Variants in ESRRB observed in about 807,000 individuals in gnomAD.
The protein encoded by ESRRB is estrogen related receptor beta.
Under a neutral mutation model 46.0 loss-of-function variants are expected in ESRRB, and 16 were observed. The ratio of observed to expected loss-of-function variants is 0.35; its 90% CI spans 0.24 to 0.53. The LOEUF (loss-of-function observed/expected upper bound fraction) is 0.53. ESRRB is among the 20% of genes least tolerant of loss of function. ESRRB has a pLI of 0.93. For missense variants in ESRRB, 488 were observed against 607.4 expected, an observed-to-expected ratio of 0.80 and a Z score of 2.07; for synonymous variants, 246 against 259.6, an observed-to-expected ratio of 0.95 and a Z score of 0.50.
chr14:76,337,714 C>G (rs1183688790), intron 1 of ESRRB, among the ~76,000 whole-genome samples: 1 of 152,208 alleles, frequency 6.6e-6, no homozygotes, highest in Non-Finnish European at 1.5e-5. Context: ...TGGTCGATTA[C>G]CAACTTTTCT....
chr14:76,325,607 G>A (rs1336236838), intron 1 of ESRRB, among the ~76,000 whole-genome samples: 1 of 152,144 alleles, frequency 6.6e-6, no homozygotes, highest in Non-Finnish European at 1.5e-5. Context: ...GGGAACAGAG[G>A]TACAAACAGG....
intron 3 of ESRRB, among the ~76,000 whole-genome samples, chr14:76,468,055 G>T (rs1295189370): frequency 6.6e-6 from 1 of 152,152 alleles, no homozygotes; most frequent in African/African-American, 2.4e-5. Context: ...GCTCCTCCGG[G>T]GATTCTGGGT....
chr14:76,382,241 C>T (rs1174472855), intron 1 of ESRRB, among the ~76,000 whole-genome samples: 1 of 152,182 alleles, frequency 6.6e-6, no homozygotes, highest in Admixed American at 6.5e-5. Flanking sequence ...TAAACATGTT[C>T]CTGCTGACTG....
At position 76,499,909 on chromosome 14, in the gene ESRRB, C is replaced by G. The variant is rs1485778712; in HGVS notation, c.*1451C>G. The G allele has an allele frequency of 6.2e-7, 1 of 1,614,154 alleles. No homozygotes were observed. ...GGATCTCCCAAGGATGAAAGAATGT[C>G]AAGCCATGATGGAAAATGCCCCTTC... On this transcript the variant is annotated 3_prime_UTR_variant, in exon 7 of 7. Coordinates refer to ENST00000644823, the MANE Select transcript of ESRRB (RefSeq NM_001379180.1).
intron 2 of ESRRB, among the ~76,000 whole-genome samples, chr14:76,448,328 CTTT>C (rs33918963): frequency 3.0e-5 from 4 of 133,464 alleles, no homozygotes; most frequent in African/African-American, 2.8e-5. Flanking sequence ...ATTTACTTAC[CTTT>C]TTTTTTTTTT....
At chr14:76,436,052 C>T (rs1887661574) in intron 1 of ESRRB, among the ~76,000 whole-genome samples, 1 of 152,220 alleles carries the variant, frequency 6.6e-6, no homozygotes, top group African/African-American at 2.4e-5. Flanking sequence ...TTGCTTCCCT[C>T]TCAGCCCTGA....
chr14:76,408,679 C>T (rs1886306118), intron 1 of ESRRB, among the ~76,000 whole-genome samples: 1 of 150,660 alleles, frequency 6.6e-6, no homozygotes. Context: ...ATGCAGCAGG[C>T]ACTCAGTAAA....
intron 1 of ESRRB, among the ~76,000 whole-genome samples, chr14:76,391,252 G>A (rs572591306): frequency 2.0e-5 from 3 of 152,310 alleles, no homozygotes; most frequent in East Asian, 1.9e-4. Context: ...AGACTCCTCC[G>A]TGGCAGGTTT....
intron 1 of ESRRB, among the ~76,000 whole-genome samples, chr14:76,384,477 C>T (rs904360103): frequency 3.3e-5 from 5 of 152,034 alleles, no homozygotes; most frequent in Non-Finnish European, 7.4e-5. Context: ...CTGAATTCAC[C>T]CAGGAGCAAA....
At chr14:76,418,636 A>G (rs1181557986) in intron 1 of ESRRB, among the ~76,000 whole-genome samples, 1 of 152,056 alleles carries the variant, frequency 6.6e-6, no homozygotes, top group Non-Finnish European at 1.5e-5. Context: ...TTGTTTTGAG[A>G]TGGAGTCTTG....
intron 1 of ESRRB, among the ~76,000 whole-genome samples, chr14:76,421,987 C>G (rs1311464883): frequency 2.0e-5 from 3 of 152,166 alleles, no homozygotes; most frequent in Non-Finnish European, 4.4e-5. Context: ...TTTGATCGAG[C>G]CAGCAGGCTG....
At chr14:76,358,483 G>A (rs1884425518) in intron 1 of ESRRB, among the ~76,000 whole-genome samples, 1 of 151,438 alleles carries the variant, frequency 6.6e-6, no homozygotes, top group Non-Finnish European at 1.5e-5. Flanking sequence ...ATGAGCTGGG[G>A]TGCTGCAGGG....
rs138310456 is a variant in ESRRB at position 76,331,867 on chromosome 14, C to T, written c.2+20951C>T. Among the ~76,000 whole-genome samples, 222 of 143,820 alleles carry T rather than the reference C, an allele frequency of 1.5e-3. 2 individuals are homozygous for T. The highest frequency in any genetic ancestry group is 5.1e-3 in the African/African-American group (205 of 40,062). The allele number at this position is 143,820 out of a possible 152,430, so 94.4% of individuals were successfully genotyped here. A position where few individuals can be genotyped will look rare whatever the true frequency, so the allele number is the denominator to read the frequency against. ...TTGCTCATCAGGAGTCCCCCAGCCC[C>T]GATCTTGGTCTGGCCCAAAGAACTG... On this transcript the variant is annotated intron_variant, in intron 1 of 6. Coordinates refer to the ESRRB transcript ENST00000512784.
intron 1 of ESRRB, among the ~76,000 whole-genome samples, chr14:76,332,772 AT>A (rs1399991385): frequency 2.0e-4 from 3 of 15,052 alleles, no homozygotes; most frequent in African/African-American, 7.9e-4. Flanking sequence ...TATATAATAT[AT>A]ATTATATATT....
intron 3 of ESRRB, among the ~76,000 whole-genome samples, chr14:76,475,602 A>C (rs1157324931): frequency 6.6e-6 from 1 of 152,114 alleles, no homozygotes; most frequent in African/African-American, 2.4e-5. Context: ...GGCCATTGTG[A>C]TTATGCTGCA....
chr14:76,330,059 G>T (rs981659312), intron 1 of ESRRB, among the ~76,000 whole-genome samples: 1 of 152,008 alleles, frequency 6.6e-6, no homozygotes, highest in Non-Finnish European at 1.5e-5. Context: ...GCAGAAGAGC[G>T]AATGACGGAC....
At chr14:76,419,939 T>TCCTCC (rs1886870415) in intron 1 of ESRRB, among the ~76,000 whole-genome samples, 1 of 151,952 alleles carries the variant, frequency 6.6e-6, no homozygotes, top group East Asian at 1.9e-4. Flanking sequence ...ATGGAGAGGG[T>TCCTCC]CTGTCTCATG....
chr14:76,481,194 C>T (rs1206404127), intron 3 of ESRRB, among the ~76,000 whole-genome samples: 1 of 152,220 alleles, frequency 6.6e-6, no homozygotes, highest in African/African-American at 2.4e-5. Context: ...GGTAGCCAGT[C>T]TGAGCTGTGT....
rs898178563 is a variant in ESRRB, at chr14:76,422,459, C to T, written c.51-16882C>T. On this transcript the variant is annotated intron_variant, in intron 1 of 6. Transcript: ENST00000644823. Reference sequence around the variant, plus strand: ...ATCTCCTGACCTCATGATCTGCCTGCCTCGGCCTCCCAAAGTGCTGGGATT... The same window carrying T: ...ATCTCCTGACCTCATGATCTGCCTGTCTCGGCCTCCCAAAGTGCTGGGATT... Among the ~76,000 whole-genome samples, 9 of 152,172 alleles carry T rather than the reference C, an allele frequency of 5.9e-5. No homozygotes were observed. The East Asian group carries it at 7.7e-4, about 13-fold the overall frequency.
Sources: gnomAD v4.1 joint callset for allele counts (sites outside exome capture counted in the v4.1 genomes callset) on GRCh38, gnomAD v4.1.1 for gene constraint, MANE v1.5 for transcripts, NCBI Gene and HGNC (gene_info 2026-07-23, HGNC 2026-07-21) for gene names.